Variants in SLC18A2 observed in about 807,000 individuals in gnomAD.
SLC18A2 encodes solute carrier family 18 member A2, also known as synaptic vesicular amine transporter.
A neutral mutation model predicts 59.2 loss-of-function variants in SLC18A2; 33 were observed. The ratio of observed to expected loss-of-function variants is 0.56; its 90% CI spans 0.42 to 0.75. SLC18A2 has a LOEUF of 0.75. SLC18A2 is among the 30% of genes least tolerant of loss of function. The pLI is 0.00. For missense variants in SLC18A2, 569 were observed against 668.6 expected, an observed-to-expected ratio of 0.85 and a Z score of 1.64; for synonymous variants, 228 against 253.5, an observed-to-expected ratio of 0.90 and a Z score of 0.95.
chr10:117,247,174 G>T (rs363396), intron 3 of SLC18A2, among the ~76,000 whole-genome samples: 2,710 of 152,302 alleles, frequency 0.018, 82 homozygotes, highest in African/African-American at 0.061. Context: ...ACAGTCTTTT[G>T]ATGTAAACTG....
At position 117,266,796 on chromosome 10, in the gene SLC18A2, C is replaced by T; in HGVS notation, c.1055C>T (p.Ala352Val). Residue 352 changes from alanine to valine, a missense_variant, in exon 11 of 16, where the codon GCA becomes GTA. By Grantham distance (64) the Ala-to-Val change is moderately conservative. This residue lies in a region of SLC18A2 where 192 missense variants were observed against 278.8 expected (regional missense o/e 0.69). Transcript: ENST00000644641. ...LIGTNIFGIL[A>V]HKMGRWLCAL... is the part of the protein sequence containing the mutation. ...GGAACCAATATTTTTGGGATACTTG[C>T]ACACAAAATGGGGAGGTAAGATGAT... 6.2e-7 allele frequency: 1 copy of T among 1,613,202 alleles called. No individual in the cohort carries two copies. The highest frequency in any genetic ancestry group is 8.5e-7 in the Non-Finnish European group (1 of 1,179,368).
At chr10:117,275,100 A>G (rs1269401233) in intron 15 of SLC18A2, among the ~76,000 whole-genome samples, 1 of 151,998 alleles carries the variant, frequency 6.6e-6, no homozygotes, top group Non-Finnish European at 1.5e-5. Context: ...GGGGGGTTAA[A>G]CCTTTGTGTT....
intron 11 of SLC18A2, 23 bp from the exon 12 acceptor site, chr10:117,266,961 G>A (rs753997716): frequency 1.2e-6 from 2 of 1,610,874 alleles, no homozygotes; most frequent in African/African-American, 1.3e-5. Context: ...ATCATTTCTT[G>A]ATGGTGCTTT....
intron 15 of SLC18A2, among the ~76,000 whole-genome samples, chr10:117,275,845 C>G (rs1468093492): frequency 6.6e-6 from 1 of 152,076 alleles, no homozygotes; most frequent in Non-Finnish European, 1.5e-5. Context: ...GTTTCATGCT[C>G]ATCAGAAGAG....
Position 117,255,300 on chromosome 10 carries a change from C to T in SLC18A2, c.724C>T (p.Leu242Phe), listed in dbSNP as rs754569594. The T allele has an allele frequency of 3.1e-6, 5 of 1,614,230 alleles. No individual in the cohort carries two copies. In the South Asian group the frequency reaches 3.3e-5, roughly 11 times the overall value. The change falls in exon 7 of 16, where the codon CTC (leucine) becomes TTC (phenylalanine). Residue 242 changes from leucine (L) to phenylalanine (F), a missense_variant. Coordinates refer to ENST00000644641, the MANE Select transcript of SLC18A2 (RefSeq NM_003054.6). ...VLVGPPFGSV[L>F]YEFVGKTAPF... ...AGTGGGCCCCCCCTTCGGGAGTGTG[C>T]TCTATGAGTTTGTGGGGAAGACGGC...
rs1844247212 is a variant in SLC18A2 at position 117,257,819 on chromosome 10, G to T, written c.918G>T (p.Met306Ile). The T allele has an allele frequency of 6.2e-7, 1 of 1,609,258 alleles. No individual in the cohort carries two copies. Among genetic ancestry groups the T allele is most frequent in the Non-Finnish European group, 8.5e-7 (1 of 1,177,742 alleles). Residue 306 changes from methionine to isoleucine, a missense_variant, in exon 10 of 16, where the codon ATG becomes ATT. This residue lies in a region of SLC18A2 where 192 missense variants were observed against 278.8 expected (regional missense o/e 0.69). Coordinates refer to ENST00000644641, the MANE Select transcript of SLC18A2 (RefSeq NM_003054.6). ...IAAGSICFAN[M>I]GIAMLEPALP... ...CAGGCTCCATCTGCTTTGCAAACAT[G>T]GGCATCGCCATGCTGGAGCCAGCCC...
At chr10:117,252,070 T>C (rs994075491) in intron 3 of SLC18A2, among the ~76,000 whole-genome samples, 9 of 151,178 alleles carry the variant, frequency 6.0e-5, no homozygotes, top group South Asian at 4.2e-4. Context: ...GCAATTCTCG[T>C]GCCTCAGCCT....
chr10:117,267,352 A>C, intron 12 of SLC18A2: 1 of 443,734 alleles, frequency 2.3e-6, no homozygotes, highest in Non-Finnish European at 4.0e-6. Flanking sequence ...TTTTTCTAGA[A>C]TAAAATCTCT....
At chr10:117,250,090 C>T (rs546489548) in intron 3 of SLC18A2, among the ~76,000 whole-genome samples, 134 of 152,292 alleles carry the variant, frequency 8.8e-4, no homozygotes, top group African/African-American at 3.0e-3. Context: ...TGACTAGGGA[C>T]GCTGGACGAC....
rs1318932058 is a variant in SLC18A2 at position 117,278,070 on chromosome 10, A to AC, written c.*805dup. 6.6e-6 allele frequency: 1 copy of AC among 152,192 alleles called. No individual in the cohort carries two copies. The highest frequency in any genetic ancestry group is 6.5e-5 in the Admixed American group (1 of 15,282). 9.4% of individuals were successfully genotyped at this position (152,192 alleles called of 1,614,324 possible). A position where few individuals can be genotyped will look rare whatever the true frequency, so the allele number is the denominator to read the frequency against. On this transcript the variant is annotated 3_prime_UTR_variant, in exon 16 of 16. Coordinates refer to ENST00000644641, the MANE Select transcript of SLC18A2 (RefSeq NM_003054.6). ...TTACTGGATGAAGAAAATTGAGGGT[A>AC]CATGTACCTTATACTGTCAAGGTTG...
intron 3 of SLC18A2, among the ~76,000 whole-genome samples, chr10:117,252,984 G>A (rs1179245160): frequency 6.6e-6 from 1 of 152,216 alleles, no homozygotes; most frequent in South Asian, 2.1e-4. Flanking sequence ...ATGCCTCTTA[G>A]ACATACTGCA....
chr10:117,272,606 T>C (rs1324383739), intron 15 of SLC18A2, among the ~76,000 whole-genome samples: 1 of 152,200 alleles, frequency 6.6e-6, no homozygotes, highest in East Asian at 1.9e-4. Context: ...GAGACGATCC[T>C]GAAAGGCCAA....
chr10:117,247,022 T>C lies in SLC18A2; in HGVS notation c.464+2709T>C, dbSNP rs149620744. Among the ~76,000 whole-genome samples the C allele has an allele frequency of 2.0e-3, 311 of 152,342 alleles. 2 individuals carry two copies. Among genetic ancestry groups the C allele is most frequent in the African/African-American group, 7.3e-3 (304 of 41,580 alleles). Reference sequence around the variant, plus strand: ...TCATAATTTCCAAGCCCAGTAGATATGAATTTGGGGACTGGGCAGCTCTTC... The same window carrying C: ...TCATAATTTCCAAGCCCAGTAGATACGAATTTGGGGACTGGGCAGCTCTTC... On this transcript the variant is annotated intron_variant, in intron 3 of 15. Coordinates refer to ENST00000644641, the MANE Select transcript of SLC18A2 (RefSeq NM_003054.6).
At chr10:117,270,580 T>A in intron 15 of SLC18A2, 117 bp downstream of exon 15, 1 of 1,214,518 alleles carries the variant, frequency 8.2e-7, no homozygotes, top group Non-Finnish European at 1.1e-6. Context: ...GAATTCCTTT[T>A]TAGTTTGTAC....
chr10:117,244,821 GCAGATGGAGC>G (rs1412152885), intron 3 of SLC18A2, among the ~76,000 whole-genome samples: 1 of 152,350 alleles, frequency 6.6e-6, no homozygotes, highest in African/African-American at 2.4e-5. Flanking sequence ...GCACTGGTGC[GCAGATGGAGC>G]TCCGAGTTGA....
chr10:117,254,324 C>T (rs943694543), intron 5 of SLC18A2, 81 bp from the exon 6 acceptor site: 1 of 1,301,002 alleles, frequency 7.7e-7, no homozygotes, highest in East Asian at 2.3e-5. Flanking sequence ...ACAAGGCTGG[C>T]TGGAGAGGGA....
intron 5 of SLC18A2, 133 bp downstream of exon 5, chr10:117,254,264 G>C: frequency 8.7e-7 from 1 of 1,146,550 alleles, no homozygotes; most frequent in East Asian, 2.4e-5. Context: ...TTTCCTCTTG[G>C]GTTCTGCTTG....
rs1485977303 is a variant in SLC18A2, at chr10:117,278,526, T to A, written c.*1260T>A. ...TGTTAGTGAACATTGTCAATTTATG[T>A]CATTTTGTTAAGAGATATGACTGGA... On this transcript the variant is annotated 3_prime_UTR_variant, in exon 16 of 16. Transcript: ENST00000644641. 6.6e-6 allele frequency: 1 copy of A among 152,204 alleles called. No individual in the cohort carries two copies. The highest frequency in any genetic ancestry group is 6.5e-5 in the Admixed American group (1 of 15,274). 9.4% of individuals were successfully genotyped at this position (152,204 alleles called of 1,614,324 possible).
At chr10:117,260,385 T>C (rs1844281654) in intron 10 of SLC18A2, among the ~76,000 whole-genome samples, 1 of 152,240 alleles carries the variant, frequency 6.6e-6, no homozygotes. Flanking sequence ...CTTGCTGGCC[T>C]CACCATTTGC....
Sources: gnomAD v4.1 joint callset for allele counts (sites outside exome capture counted in the v4.1 genomes callset) on GRCh38, gnomAD v4.1.1 for gene constraint, gnomAD v4.1.1 regional missense constraint, MANE v1.5 for transcripts, NCBI Gene and HGNC (gene_info 2026-07-23, HGNC 2026-07-21) for gene names.